Variants in LINGO2 observed in about 807,000 individuals in gnomAD.
The protein encoded by LINGO2 is leucine rich repeat and Ig domain containing 2.
Under a neutral mutation model 30.6 loss-of-function variants are expected in LINGO2, and 14 were observed. The ratio of observed to expected loss-of-function variants is 0.46; its 90% CI spans 0.30 to 0.72. The LOEUF is 0.72. LINGO2 is among the 30% of genes least tolerant of loss of function. The pLI, the probability that LINGO2 is intolerant of heterozygous loss-of-function variation, is 0.07. For missense variants in LINGO2, 729 were observed against 751.7 expected (o/e 0.97, Z 0.35); for synonymous variants, 317 against 288.5 (o/e 1.10, Z -1.00).
intron 1 of LINGO2, among the ~76,000 whole-genome samples, chr9:28,611,560 C>T (rs979872140): frequency 1.3e-5 from 2 of 152,092 alleles, no homozygotes; most frequent in Middle Eastern, 3.2e-3. Context: ...GATCCCCATC[C>T]CATGGCAAAT....
At chr9:28,717,898 A>C in the LINGO2 span, among the ~76,000 whole-genome samples, 1 of 152,000 alleles carries the variant, frequency 6.6e-6, no homozygotes. Context: ...CCTAATTCAG[A>C]ATGAGGGGAT....
At chr9:28,916,898 T>A in the LINGO2 span, among the ~76,000 whole-genome samples, 6 of 152,324 alleles carry the variant, frequency 3.9e-5, no homozygotes, top group East Asian at 7.7e-4. Flanking sequence ...TTTTCCTCAA[T>A]GTCTAAAGGA....
At chr9:28,693,511 T>A in the LINGO2 span, among the ~76,000 whole-genome samples, 5 of 152,134 alleles carry the variant, frequency 3.3e-5, 1 homozygote, top group African/African-American at 1.2e-4. Context: ...ATAATTATTC[T>A]ACCAGAGATA....
chr9:28,499,151 C>G (rs932485923), intron 1 of LINGO2, among the ~76,000 whole-genome samples: 3 of 152,042 alleles, frequency 2.0e-5, no homozygotes, highest in Non-Finnish European at 4.4e-5. Flanking sequence ...CTTTAGCAAT[C>G]CAAAGGTAAG....
the LINGO2 span, among the ~76,000 whole-genome samples, chr9:29,049,358 G>C: frequency 1.3e-5 from 2 of 152,130 alleles, no homozygotes; most frequent in Non-Finnish European, 2.9e-5. Flanking sequence ...CTTGTACACT[G>C]TTGGTGGGAA....
chr9:28,487,827 T>C (rs1186954615), intron 1 of LINGO2, among the ~76,000 whole-genome samples: 1 of 152,154 alleles, frequency 6.6e-6, no homozygotes, highest in Non-Finnish European at 1.5e-5. Context: ...AATAAAATTA[T>C]GGAATATTTT....
At chr9:28,881,138 T>C in the LINGO2 span, among the ~76,000 whole-genome samples, 1 of 152,090 alleles carries the variant, frequency 6.6e-6, no homozygotes, top group Non-Finnish European at 1.5e-5. Context: ...TGTCTCTGTG[T>C]CTTATTTCTT....
the LINGO2 span, chr9:27,941,718 A>C: frequency 6.6e-6 from 1 of 152,236 alleles, no homozygotes; most frequent in Non-Finnish European, 1.5e-5. Flanking sequence ...CAAGTACGAA[A>C]GGTAAAGAGA....
chr9:28,956,369 T>A, the LINGO2 span, among the ~76,000 whole-genome samples: 1 of 152,080 alleles, frequency 6.6e-6, no homozygotes, highest in African/African-American at 2.4e-5. Context: ...CTCTTGCCAA[T>A]TCAGGTTAAT....
the LINGO2 span, among the ~76,000 whole-genome samples, chr9:28,853,039 G>A: frequency 6.6e-6 from 1 of 152,050 alleles, no homozygotes; most frequent in East Asian, 1.9e-4. Context: ...CTGAGCAGGT[G>A]AATGGCAGAC....
At chr9:28,716,603 A>C in the LINGO2 span, among the ~76,000 whole-genome samples, 1 of 152,124 alleles carries the variant, frequency 6.6e-6, no homozygotes, top group African/African-American at 2.4e-5. Context: ...TATTCTGTAC[A>C]CCTTGATTTA....
At chr9:28,891,635 T>C in the LINGO2 span, among the ~76,000 whole-genome samples, 1 of 151,872 alleles carries the variant, frequency 6.6e-6, no homozygotes, top group South Asian at 2.1e-4. Flanking sequence ...AAAAAGTTAT[T>C]TAAGATGATG....
At chr9:28,313,845 A>G (rs1161400364) in intron 3 of LINGO2, among the ~76,000 whole-genome samples, 1 of 152,182 alleles carries the variant, frequency 6.6e-6, no homozygotes, top group Non-Finnish European at 1.5e-5. Context: ...GTGTCTCTGA[A>G]GGGTTCTTAT....
intron 4 of LINGO2, among the ~76,000 whole-genome samples, chr9:28,018,116 C>A (rs959983744): frequency 6.6e-6 from 1 of 152,102 alleles, no homozygotes; most frequent in Non-Finnish European, 1.5e-5. Context: ...GAAAGGGATA[C>A]CTAGTCAATA....
At chr9:29,161,923 G>GTTT in the LINGO2 span, among the ~76,000 whole-genome samples, 2 of 142,938 alleles carry the variant, frequency 1.4e-5, no homozygotes, top group African/African-American at 2.5e-5. Flanking sequence ...CTTCAGATGT[G>GTTT]TTTTTTTTTT....
At chr9:28,557,413 C>A (rs1411360929) in intron 1 of LINGO2, among the ~76,000 whole-genome samples, 1 of 152,022 alleles carries the variant, frequency 6.6e-6, no homozygotes, top group Admixed American at 6.5e-5. Flanking sequence ...TCATCACTGG[C>A]CATCAGAGAA....
intron 5 of LINGO2, among the ~76,000 whole-genome samples, chr9:28,011,523 C>G (rs1167126174): frequency 6.6e-6 from 1 of 152,126 alleles, no homozygotes; most frequent in African/African-American, 2.4e-5. Flanking sequence ...TCATTGTCCC[C>G]AAATCTGGAC....
At chr9:27,965,364 A>T (rs1212513276) in intron 5 of LINGO2, among the ~76,000 whole-genome samples, 1 of 151,490 alleles carries the variant, frequency 6.6e-6, no homozygotes, top group East Asian at 1.9e-4. Flanking sequence ...CATTGCAAAT[A>T]GATAGCAACT....
chr9:28,043,236 A>G (rs1308406217), intron 4 of LINGO2, among the ~76,000 whole-genome samples: 1 of 152,226 alleles, frequency 6.6e-6, no homozygotes, highest in Non-Finnish European at 1.5e-5. Flanking sequence ...CCTCAGACAC[A>G]TGATAAAACT....
Sources: gnomAD v4.1 joint callset for allele counts (sites outside exome capture counted in the v4.1 genomes callset) on GRCh38, gnomAD v4.1.1 for gene constraint, MANE v1.5 for transcripts, NCBI Gene and HGNC (gene_info 2026-07-23, HGNC 2026-07-21) for gene names.